Variants in PLPP4 observed in about 807,000 individuals in gnomAD.
PLPP4 encodes the protein diacylglycerol pyrophosphate like 2.
A neutral mutation model predicts 32.2 loss-of-function variants in PLPP4; 20 were observed. The ratio of observed to expected loss-of-function variants is 0.62; its 90% CI spans 0.44 to 0.90. The LOEUF (loss-of-function observed/expected upper bound fraction) is 0.90, where lower values mean the gene tolerates loss of function less well. Ranked by LOEUF, PLPP4 falls within the 40% of genes least tolerant of loss-of-function variation. The pLI is 0.00. For missense variants in PLPP4, 257 were observed against 353.1 expected (o/e 0.73, Z 2.18); for synonymous variants, 127 against 133.0 (o/e 0.95, Z 0.31).
At chr10:120,503,436 C>T (rs1845356993) in intron 1 of PLPP4, 1 of 1,003,306 alleles carries the variant, frequency 1.0e-6, no homozygotes, top group Non-Finnish European at 1.5e-6. Flanking sequence ...CAGTTACTCC[C>T]TCCCTTATGT....
chr10:120,588,605 A>G (rs1467383312), intron 6 of PLPP4, among the ~76,000 whole-genome samples: 1 of 152,188 alleles, frequency 6.6e-6, no homozygotes, highest in Non-Finnish European at 1.5e-5. Context: ...TCTGATGGGA[A>G]CTTACTAAAG....
rs535596999 is a variant in PLPP4, at chr10:120,591,327, T to A, written c.*1825T>A. Among the ~76,000 whole-genome samples the A allele has an allele frequency of 2.6e-5, 4 of 152,220 alleles. No individual in the cohort carries two copies. The East Asian group carries it at 7.7e-4, about 29-fold the overall frequency. On this transcript the variant is annotated 3_prime_UTR_variant, in exon 7 of 7. Coordinates refer to ENST00000398250, the MANE Select transcript of PLPP4 (RefSeq NM_001030059.3). ...TGGCTTTGGCACGGTCATGTGATTGTCCCCTGGATGGAGTGGGAGAGGGGG... is the reference window on the plus strand; with the variant it reads ...TGGCTTTGGCACGGTCATGTGATTGACCCCTGGATGGAGTGGGAGAGGGGG...
intron 5 of PLPP4, among the ~76,000 whole-genome samples, chr10:120,569,437 ATCT>A (rs1323082949): frequency 6.6e-6 from 1 of 152,144 alleles, no homozygotes; most frequent in East Asian, 1.9e-4. Flanking sequence ...TCAGAACAAA[ATCT>A]TCTTTGAAAA....
chr10:120,583,409 C>T (rs1849609048), intron 6 of PLPP4, among the ~76,000 whole-genome samples: 1 of 152,034 alleles, frequency 6.6e-6, no homozygotes, highest in African/African-American at 2.4e-5. Context: ...TTATCTGGCT[C>T]ATCTGGTGTC....
intron 1 of PLPP4, among the ~76,000 whole-genome samples, chr10:120,487,935 C>G (rs1216613405): frequency 6.6e-6 from 1 of 152,200 alleles, no homozygotes; most frequent in Non-Finnish European, 1.5e-5. Flanking sequence ...ACCCAAAGCT[C>G]TCAACCCAGA....
intron 1 of PLPP4, among the ~76,000 whole-genome samples, chr10:120,501,927 A>G (rs575418825): frequency 3.9e-5 from 6 of 152,292 alleles, no homozygotes; most frequent in African/African-American, 1.2e-4. Context: ...CACAGCATGG[A>G]GTAGCTCAGT....
Position 120,589,641 on chromosome 10 carries a change from T to C in PLPP4, c.*139T>C. 1.5e-6 allele frequency: 1 copy of C among 669,450 alleles called. No individual in the cohort carries two copies. The highest frequency in any genetic ancestry group is 2.5e-6 in the Non-Finnish European group (1 of 402,484). 41.5% of individuals were successfully genotyped at this position (669,450 alleles called of 1,614,324 possible). On this transcript the variant is annotated 3_prime_UTR_variant, in exon 7 of 7. Coordinates refer to ENST00000398250, the MANE Select transcript of PLPP4 (RefSeq NM_001030059.3). ...CATCGTACTTCTGCTTCTGTTTCAC[T>C]GATGGTGTTCCTGCTACTTTAAATG...
At chr10:120,499,660 A>G (rs1253734573) in intron 1 of PLPP4, among the ~76,000 whole-genome samples, 3 of 152,160 alleles carry the variant, frequency 2.0e-5, no homozygotes, top group Non-Finnish European at 2.9e-5. Context: ...CCCCCCAGGA[A>G]GCTTGCTGGA....
chr10:120,500,667 G>C (rs1247736755), intron 1 of PLPP4, among the ~76,000 whole-genome samples: 1 of 94,966 alleles, frequency 1.1e-5, no homozygotes, highest in African/African-American at 4.4e-5. Flanking sequence ...AGAGAGGAAG[G>C]GTTTTTCTGG....
chr10:120,485,126 A>G (rs1475711490), intron 1 of PLPP4, among the ~76,000 whole-genome samples: 2 of 152,272 alleles, frequency 1.3e-5, no homozygotes, highest in East Asian at 1.9e-4. Flanking sequence ...GGAGATCTGC[A>G]TCAGACTTTT....
In PLPP4 at chr10:120,458,701, T is replaced by C. The variant is rs150128087; in HGVS notation, c.56+1340T>C. 2.0e-3 allele frequency among the ~76,000 whole-genome samples: 301 copies of C among 152,210 alleles called. 2 individuals carry two copies. The highest frequency in any genetic ancestry group is 7.1e-3 in the African/African-American group (293 of 41,542). ...TGGGAAGAAGGAACGAGAACTTCAG[T>C]TGGATTTTGATGCATTTGGAAAAAC... On this transcript the variant is annotated intron_variant, in intron 1 of 6. Transcript: ENST00000398250.
In PLPP4 at chr10:120,589,526, C is replaced by G. The variant is rs1849923266; in HGVS notation, c.*24C>G. The G allele has an allele frequency of 1.3e-6, 2 of 1,597,746 alleles. No individual in the cohort carries two copies. Among genetic ancestry groups the G allele is most frequent in the East Asian group, 2.2e-5 (1 of 44,736 alleles). On this transcript the variant is annotated 3_prime_UTR_variant, in exon 7 of 7. Coordinates refer to ENST00000398250, the MANE Select transcript of PLPP4 (RefSeq NM_001030059.3). ...GACCAGTGTCCTGGGAGGATGGACA[C>G]TAAGCCCTGGGCACATCTGCCACCC... is the stretch of plus-strand genomic sequence containing the variant.
At chr10:120,566,065 ATGTT>A (rs1393674417) in intron 5 of PLPP4, among the ~76,000 whole-genome samples, 27 of 151,964 alleles carry the variant, frequency 1.8e-4, no homozygotes, top group African/African-American at 6.5e-4. Context: ...TTCTTTTATA[ATGTT>A]TGTTTTCTGT....
intron 5 of PLPP4, among the ~76,000 whole-genome samples, chr10:120,537,909 C>T (rs1847105531): frequency 6.6e-6 from 1 of 150,852 alleles, no homozygotes; most frequent in Non-Finnish European, 1.5e-5. Flanking sequence ...TGGAAATTGT[C>T]CCAATCCTGA....
chr10:120,575,595 A>C (rs1001397425), intron 6 of PLPP4, among the ~76,000 whole-genome samples: 4 of 152,150 alleles, frequency 2.6e-5, no homozygotes, highest in Non-Finnish European at 5.9e-5. Flanking sequence ...CCTGAGACCC[A>C]AATGTGATTT....
rs559008256 is a variant in PLPP4, at chr10:120,485,386, T to G, written c.57-18432T>G. 2.0e-4 allele frequency among the ~76,000 whole-genome samples: 31 copies of G among 152,362 alleles called. No homozygotes were observed. In the South Asian group the frequency reaches 6.4e-3, roughly 32 times the overall value. ...GCATTAGGACTGGAGGGGACCCCTT[T>G]GTCTCTCTTTTCCATACCCAAACCC... On this transcript the variant is annotated intron_variant, in intron 1 of 6. Coordinates refer to ENST00000398250, the MANE Select transcript of PLPP4 (RefSeq NM_001030059.3).
At chr10:120,471,723 A>C (rs1378752390) in intron 1 of PLPP4, among the ~76,000 whole-genome samples, 10 of 152,004 alleles carry the variant, frequency 6.6e-5, no homozygotes, top group Admixed American at 6.6e-4. Flanking sequence ...TGGAGTGGTT[A>C]AGCCATTTAC....
chr10:120,513,049 C>T (rs1165722800), intron 2 of PLPP4, among the ~76,000 whole-genome samples: 1 of 152,086 alleles, frequency 6.6e-6, no homozygotes, highest in African/African-American at 2.4e-5. Context: ...ATGTTATAGT[C>T]ATGAAGAAGC....
At chr10:120,550,577 A>G (rs1461029777) in intron 5 of PLPP4, among the ~76,000 whole-genome samples, 4 of 151,940 alleles carry the variant, frequency 2.6e-5, no homozygotes, top group Non-Finnish European at 5.9e-5. Flanking sequence ...AGGACAGATA[A>G]ATAGATCAAT....
Sources: gnomAD v4.1 joint callset for allele counts (sites outside exome capture counted in the v4.1 genomes callset) on GRCh38, gnomAD v4.1.1 for gene constraint, MANE v1.5 for transcripts, NCBI Gene and HGNC (gene_info 2026-07-23, HGNC 2026-07-21) for gene names.